Variants in MYOCD observed in about 807,000 individuals in gnomAD.
MYOCD encodes the protein myocardin.
In MYOCD, 32 loss-of-function variants were observed where a neutral mutation model predicts 96.1. The ratio of observed to expected loss-of-function variants is 0.33; its 90% CI spans 0.25 to 0.45. The LOEUF (loss-of-function observed/expected upper bound fraction) is 0.45, where lower values mean the gene tolerates loss of function less well. Among genes scored for constraint, MYOCD ranks in the 20% least tolerant of loss-of-function variants. MYOCD has a pLI of 1.00. For missense variants in MYOCD, 1,133 were observed against 1,200.6 expected, an observed-to-expected ratio of 0.94 and a Z score of 0.83; for synonymous variants, 469 against 469.0, an observed-to-expected ratio of 1.00 and a Z score of 0.00.
intron 2 of MYOCD, among the ~76,000 whole-genome samples, chr17:12,706,564 C>G (rs182676834): frequency 6.6e-6 from 1 of 152,170 alleles, no homozygotes; most frequent in East Asian, 1.9e-4. Flanking sequence ...TAAAGTTGGA[C>G]TCATGTGCTT....
intron 4 of MYOCD, among the ~76,000 whole-genome samples, chr17:12,721,368 T>G (rs2031832934): frequency 6.6e-6 from 1 of 152,148 alleles, no homozygotes. Context: ...TTGCCCAGTT[T>G]CAGAGGCAAC....
chr17:12,708,112 AC>A (rs1375563804), intron 2 of MYOCD, among the ~76,000 whole-genome samples: 1 of 151,766 alleles, frequency 6.6e-6, no homozygotes, highest in African/African-American at 2.4e-5. Flanking sequence ...GAGTTTGAAA[AC>A]CCCTGACCTA....
chr17:12,723,037 T>G (rs752124676), intron 5 of MYOCD, 29 bp downstream of exon 5: 1 of 1,595,664 alleles, frequency 6.3e-7, no homozygotes, highest in Non-Finnish European at 8.5e-7. Context: ...ATGTCTCTCC[T>G]TGGTGCTATT....
intron 9 of MYOCD, 50 bp downstream of exon 9, chr17:12,746,122 T>C (rs760359328): frequency 1.3e-6 from 2 of 1,573,382 alleles, no homozygotes; most frequent in Non-Finnish European, 1.7e-6. Flanking sequence ...AATACAACAG[T>C]ATGTTGTTAA....
At chr17:12,718,229 C>T (rs962662373) in intron 4 of MYOCD, among the ~76,000 whole-genome samples, 56 of 152,044 alleles carry the variant, frequency 3.7e-4, no homozygotes, top group African/African-American at 1.3e-3. Flanking sequence ...ACAGAGGACA[C>T]GAGAATCACA....
Position 12,768,010 on chromosome 17 carries a change from A to C in MYOCD, c.*4366A>C, listed in dbSNP as rs1468003516. 1 of 152,216 alleles carries C rather than the reference A, an allele frequency of 6.6e-6. No homozygotes were observed. The highest frequency in any genetic ancestry group is 6.5e-5 in the Admixed American group (1 of 15,284). The allele number at this position is 152,216 out of a possible 1,614,324, so 9.4% of individuals were successfully genotyped here. On this transcript the variant is annotated 3_prime_UTR_variant, in exon 14 of 14. Coordinates refer to ENST00000425538, the MANE Select transcript of MYOCD (RefSeq NM_001146312.3). ...GCCTTCCTCACAGAAGGAAGTTCCC[A>C]AAATTGCTGGTACACAGTTTGCAAT...
At chr17:12,747,867 TA>T (rs57335981) in intron 9 of MYOCD, among the ~76,000 whole-genome samples, 42,622 of 145,476 alleles carry the variant, frequency 0.29, 6,232 homozygotes, top group Admixed American at 0.35. Context: ...GGATCCTATT[TA>T]AAAAAAAAAA....
intron 1 of MYOCD, among the ~76,000 whole-genome samples, chr17:12,693,048 G>C (rs896529534): frequency 6.6e-6 from 1 of 152,080 alleles, no homozygotes; most frequent in African/African-American, 2.4e-5. Context: ...GTGGAATCTA[G>C]TCCTGGTTCT....
intron 1 of MYOCD, among the ~76,000 whole-genome samples, chr17:12,704,529 T>C (rs1486034040): frequency 2.0e-5 from 3 of 152,234 alleles, no homozygotes; most frequent in Non-Finnish European, 1.5e-5. Flanking sequence ...AGTCCTTCTT[T>C]GAATTCCCAG....
intron 2 of MYOCD, among the ~76,000 whole-genome samples, chr17:12,707,070 A>G (rs2031314402): frequency 6.6e-6 from 1 of 152,154 alleles, no homozygotes; most frequent in South Asian, 2.1e-4. Flanking sequence ...GACCTTTTCT[A>G]CTTAGCTCTT....
chr17:12,696,214 G>A (rs1255684790), intron 1 of MYOCD, among the ~76,000 whole-genome samples: 4 of 151,930 alleles, frequency 2.6e-5, no homozygotes, highest in African/African-American at 7.2e-5. Flanking sequence ...TCTTGACCTC[G>A]TGGTCCGCCC....
At chr17:12,735,759 C>CT (rs1288737943) in intron 5 of MYOCD, among the ~76,000 whole-genome samples, 1 of 152,120 alleles carries the variant, frequency 6.6e-6, no homozygotes, top group African/African-American at 2.4e-5. Flanking sequence ...ATCTCGATTC[C>CT]ATCTCTCATC....
At position 12,764,684 on chromosome 17, in the gene MYOCD, C is replaced by G. The variant is rs908819487; in HGVS notation, c.*1040C>G. 2 of 152,204 alleles carry G rather than the reference C, an allele frequency of 1.3e-5. No individual in the cohort carries two copies. The highest frequency in any genetic ancestry group is 4.8e-5 in the African/African-American group (2 of 41,452). 9.4% of individuals were successfully genotyped at this position (152,204 alleles called of 1,614,324 possible). A position where few individuals can be genotyped will look rare whatever the true frequency, so the allele number is the denominator to read the frequency against. On this transcript the variant is annotated 3_prime_UTR_variant, in exon 14 of 14. Coordinates refer to ENST00000425538, the MANE Select transcript of MYOCD (RefSeq NM_001146312.3). ...TGTTATTATCAGTTTATCTTTCTCC[C>G]ACTCCACTTTTCCTTCAAGGTACCA...
At position 12,744,371 on chromosome 17, in the gene MYOCD, C is replaced by T; in HGVS notation, c.906C>T (p.Leu302=). 6.2e-7 allele frequency: 1 copy of T among 1,614,170 alleles called. No homozygotes were observed. Among genetic ancestry groups the T allele is most frequent in the Non-Finnish European group, 8.5e-7 (1 of 1,180,030 alleles). The change falls in exon 8 of 14, where the codon CTC becomes CTT. Residue 302 remains leucine, a synonymous_variant. Coordinates refer to ENST00000425538, the MANE Select transcript of MYOCD (RefSeq NM_001146312.3). ...QQQLFLQLQI[L]SQQQQQQQHR... ...AGCTGTTCCTGCAGCTCCAAATCCT[C>T]AGCCAGCAGCAGCAGCAGCAGCAAC...
rs1161929920 is a variant in MYOCD, at chr17:12,768,042, T to C, written c.*4398T>C. 3.3e-5 allele frequency: 5 copies of C among 152,172 alleles called. No individual in the cohort carries two copies. 9.4% of individuals were successfully genotyped at this position (152,172 alleles called of 1,614,324 possible). ...CTGGTACACAGTTTGCAATCAAATA[T>C]CAGATATGAGAAAACCTGTAGTGAA... On this transcript the variant is annotated 3_prime_UTR_variant, in exon 14 of 14. Transcript: ENST00000425538.
At chr17:12,684,090 CTCTT>C (rs1020668727) in intron 1 of MYOCD, among the ~76,000 whole-genome samples, 1 of 152,144 alleles carries the variant, frequency 6.6e-6, no homozygotes, top group Non-Finnish European at 1.5e-5. Context: ...TCACATCTCT[CTCTT>C]TCTCTCATTC....
At chr17:12,707,764 A>G (rs1179976344) in intron 2 of MYOCD, among the ~76,000 whole-genome samples, 1 of 152,154 alleles carries the variant, frequency 6.6e-6, no homozygotes, top group Non-Finnish European at 1.5e-5. Flanking sequence ...ACACAGAAGC[A>G]TAATCCAGTG....
At chr17:12,735,341 A>AACGTAAGGGAC (rs144837919) in intron 5 of MYOCD, among the ~76,000 whole-genome samples, 82,974 of 151,462 alleles carry the variant, frequency 0.55, 22,770 homozygotes, top group East Asian at 0.69. Context: ...GGCAAATAAA[A>AACGTAAGGGAC]ATGTAAGGAT....
intron 1 of MYOCD, among the ~76,000 whole-genome samples, chr17:12,703,078 A>C (rs2031146893): frequency 6.6e-6 from 1 of 151,864 alleles, no homozygotes. Context: ...TTACCTGAAA[A>C]TATCTTTATT....
Sources: gnomAD v4.1 joint callset for allele counts (sites outside exome capture counted in the v4.1 genomes callset) on GRCh38, gnomAD v4.1.1 for gene constraint, MANE v1.5 for transcripts, NCBI Gene and HGNC (gene_info 2026-07-23, HGNC 2026-07-21) for gene names.